Variants in DGKH observed in about 807,000 individuals in gnomAD.
DGKH encodes diacylglycerol kinase eta, also known as DAG kinase eta.
A neutral mutation model predicts 159.3 loss-of-function variants in DGKH; 90 were observed. That is an observed-to-expected ratio of 0.57 (90% CI 0.48 to 0.67). DGKH has a LOEUF of 0.67. DGKH is among the 30% of genes least tolerant of loss of function. The probability of loss-of-function intolerance (pLI) is 0.00; values close to 1 mark genes in which losing one functional copy is unlikely to be tolerated. For synonymous variants in DGKH, 536 were observed against 553.8 expected, an observed-to-expected ratio of 0.97 and a Z score of 0.45; for missense variants, 1,181 against 1,506.1, an observed-to-expected ratio of 0.78 and a Z score of 3.57.
intron 1 of DGKH, chr13:42,070,803 A>G (rs1344991666): frequency 6.1e-6 from 9 of 1,467,646 alleles, no homozygotes; most frequent in Non-Finnish European, 8.5e-6. Flanking sequence ...GTTCCGTAAG[A>G]GAGCCCACAT....
chr13:42,227,460 T>C (rs866442720), intron 29 of DGKH, among the ~76,000 whole-genome samples: 6 of 152,318 alleles, frequency 3.9e-5, no homozygotes, highest in Non-Finnish European at 7.3e-5. Context: ...TGCATACCTA[T>C]GTTTTCACAA....
intron 11 of DGKH, among the ~76,000 whole-genome samples, chr13:42,171,357 C>T (rs913677398): frequency 2.0e-5 from 3 of 152,206 alleles, no homozygotes; most frequent in Admixed American, 2.0e-4. Context: ...ACTCTTTCCC[C>T]TTTATGTGTG....
intron 26 of DGKH, among the ~76,000 whole-genome samples, chr13:42,218,997 C>T (rs1957888335): frequency 6.6e-6 from 1 of 152,120 alleles, no homozygotes; most frequent in South Asian, 2.1e-4. Context: ...ATTAAAGTTA[C>T]ACTAGCTACT....
intron 1 of DGKH, among the ~76,000 whole-genome samples, chr13:42,086,674 T>C (rs1954308137): frequency 6.6e-6 from 1 of 152,230 alleles, no homozygotes; most frequent in Non-Finnish European, 1.5e-5. Context: ...TAAAGAACTA[T>C]TCTAAACAAT....
At chr13:42,180,596 A>G (rs11147869) in intron 13 of DGKH, among the ~76,000 whole-genome samples, 19,295 of 151,854 alleles carry the variant, frequency 0.13, 1,611 homozygotes, top group Admixed American at 0.22. Flanking sequence ...CCTTGGCCTG[A>G]CTCTTTGTCT....
rs1956466895 is a variant in DGKH, at chr13:42,171,885, A to G, written c.1368-2175A>G. 2.1e-5 allele frequency among the ~76,000 whole-genome samples: 3 copies of G among 140,492 alleles called. 1 individual carries two copies. Among genetic ancestry groups the G allele is most frequent in the Middle Eastern group, 7.9e-3 (2 of 254 alleles). The allele number at this position is 140,492 out of a possible 152,430, so 92.2% of individuals were successfully genotyped here. On this transcript the variant is annotated intron_variant, in intron 11 of 29. Transcript: ENST00000337343. ...CGCTCTGTAGCCCAGGCTGGAGTGCAGTGGTGCGATCTTGCCTCACTGCAA... is the reference window on the plus strand; with the variant it reads ...CGCTCTGTAGCCCAGGCTGGAGTGCGGTGGTGCGATCTTGCCTCACTGCAA...
intron 1 of DGKH, among the ~76,000 whole-genome samples, chr13:42,086,993 T>A (rs1954315748): frequency 6.6e-6 from 1 of 151,554 alleles, no homozygotes; most frequent in Non-Finnish European, 1.5e-5. Context: ...CAAGAACTAT[T>A]CTGTGCGTTA....
downstream of DGKH, among the ~76,000 whole-genome samples, chr13:42,243,668 C>T (rs376351138): frequency 3.9e-5 from 6 of 152,046 alleles, no homozygotes; most frequent in Admixed American, 3.3e-4. Flanking sequence ...GACATTAAGT[C>T]GAATCTTACA....
intron 1 of DGKH, among the ~76,000 whole-genome samples, chr13:42,065,115 C>T (rs548351305): frequency 6.6e-6 from 1 of 152,270 alleles, no homozygotes; most frequent in Non-Finnish European, 1.5e-5. Flanking sequence ...GCACTTTTTC[C>T]AATAGGGCAC....
At chr13:42,139,895 G>A (rs947498708) in intron 3 of DGKH, among the ~76,000 whole-genome samples, 8 of 152,160 alleles carry the variant, frequency 5.3e-5, no homozygotes, top group Admixed American at 1.3e-4. Context: ...CTTGTGAATA[G>A]GATTATTTGG....
In DGKH at chr13:42,127,574, G is replaced by T; in HGVS notation, c.303+1G>T. 6.2e-7 allele frequency: 1 copy of T among 1,612,604 alleles called. No individual in the cohort carries two copies. Among genetic ancestry groups the T allele is most frequent in the Non-Finnish European group, 8.5e-7 (1 of 1,179,058 alleles). ...CCTTTACTATGCAAAGGACTCAAAG[G>T]TAACTCACGAGAATACTAGTTTCAA... On this transcript the variant is annotated splice_donor_variant, in intron 2 of 29. Transcript: ENST00000337343. LOFTEE classifies it high-confidence loss of function.
At position 42,190,420 on chromosome 13, in the gene DGKH, G is replaced by C; in HGVS notation, c.1930G>C (p.Val644Leu). ...ACCTGAAGTTATGGATGACCCGACA[G>C]TTCACCCCTGTGAACCAGCTAATCA... ...EAGKVMDDPT[V>L]HPCEPANQSS... Residue 644 changes from valine to leucine, a missense_variant, in exon 16 of 30, where the codon GTT becomes CTT. Coordinates refer to ENST00000337343, the MANE Select transcript of DGKH (RefSeq NM_178009.5). The C allele has an allele frequency of 6.2e-7, 1 of 1,608,328 alleles. No homozygotes were observed. Among genetic ancestry groups the C allele is most frequent in the South Asian group, 1.1e-5 (1 of 89,534 alleles).
chr13:42,110,471 G>A (rs535378227), intron 1 of DGKH, among the ~76,000 whole-genome samples: 1 of 152,166 alleles, frequency 6.6e-6, no homozygotes, highest in African/African-American at 2.4e-5. Flanking sequence ...CATCATTGTG[G>A]CCATGGGGGA....
At chr13:42,251,190 T>C (rs1021969605) in intron 29 of DGKH, among the ~76,000 whole-genome samples, 7 of 152,144 alleles carry the variant, frequency 4.6e-5, no homozygotes, top group African/African-American at 1.7e-4. Flanking sequence ...TAAATATTTG[T>C]ATTGGCCGGG....
intron 1 of DGKH, among the ~76,000 whole-genome samples, chr13:42,075,128 A>G (rs1954071189): frequency 6.6e-6 from 1 of 152,240 alleles, no homozygotes; most frequent in Admixed American, 6.5e-5. Flanking sequence ...ATTAAACGAG[A>G]TAACTGCAAG....
intron 11 of DGKH, 24 bp from the exon 12 acceptor site, chr13:42,174,036 A>C: frequency 6.3e-7 from 1 of 1,592,938 alleles, no homozygotes; most frequent in Middle Eastern, 1.7e-4. Context: ...GAAATCTTTG[A>C]CCAAAGAGTT....
chr13:42,250,042 C>T (rs886799654), intron 29 of DGKH, among the ~76,000 whole-genome samples: 6 of 151,266 alleles, frequency 4.0e-5, no homozygotes, highest in Non-Finnish European at 5.9e-5. Context: ...GCGATCTGGG[C>T]TCACTGCAAC....
At chr13:42,131,616 G>A (rs1367167585) in intron 3 of DGKH, among the ~76,000 whole-genome samples, 1 of 152,226 alleles carries the variant, frequency 6.6e-6, no homozygotes, top group African/African-American at 2.4e-5. Flanking sequence ...ACCTATAGAT[G>A]ATTACTAAGT....
At position 42,069,071 on chromosome 13, in the gene DGKH, G is replaced by A. The variant is rs550812999; in HGVS notation, c.192+20106G>A. On this transcript the variant is annotated intron_variant, in intron 1 of 29. Coordinates refer to ENST00000337343, the MANE Select transcript of DGKH (RefSeq NM_178009.5). ...CTGTGAAACTGCGGGATGCCTATTG[G>A]GCTCGAGCTGCTTATTAAAGAGGAA... The A allele has an allele frequency of 2.7e-4, 387 of 1,415,432 alleles. 4 individuals are homozygous for A. The East Asian group carries it at 8.1e-3, about 29-fold the overall frequency. The allele number at this position is 1,415,432 out of a possible 1,614,324, so 87.7% of individuals were successfully genotyped here. A position where few individuals can be genotyped will look rare whatever the true frequency, so the allele number is the denominator to read the frequency against.
Sources: gnomAD v4.1 joint callset for allele counts (sites outside exome capture counted in the v4.1 genomes callset) on GRCh38, gnomAD v4.1.1 for gene constraint, MANE v1.5 for transcripts, NCBI Gene and HGNC (gene_info 2026-07-23, HGNC 2026-07-21) for gene names.